The following TMEM131 variants were observed in gnomAD, a reference collection of about 807,000 sequenced individuals.
TMEM131 encodes the protein 2610524E03Rik.
Under a neutral mutation model 211.6 loss-of-function variants are expected in TMEM131, and 66 were observed. The observed-to-expected ratio is 0.31, with a 90% CI of 0.26 to 0.38. The LOEUF (loss-of-function observed/expected upper bound fraction) is 0.38. Among genes scored for constraint, TMEM131 ranks in the 10% least tolerant of loss-of-function variants. The probability of loss-of-function intolerance (pLI) is 1.00; values close to 1 mark genes in which losing one functional copy is unlikely to be tolerated. For synonymous variants in TMEM131, 844 were observed against 841.3 expected (o/e 1.00, Z -0.06); for missense variants, 2,036 against 2,299.3 (o/e 0.89, Z 2.34).
chr2:97,984,879 C>T (rs975577550), intron 1 of TMEM131, among the ~76,000 whole-genome samples: 1 of 152,000 alleles, frequency 6.6e-6, no homozygotes, highest in Non-Finnish European at 1.5e-5. Context: ...GTGAGTATAG[C>T]CTGGCAGCTG....
chr2:97,959,672 T>C (rs1678731753), intron 1 of TMEM131, among the ~76,000 whole-genome samples: 1 of 152,116 alleles, frequency 6.6e-6, no homozygotes, highest in Non-Finnish European at 1.5e-5. Flanking sequence ...AACAAAGACA[T>C]TCTCCTACAT....
At chr2:97,853,516 G>T (rs1300402782) in intron 5 of TMEM131, among the ~76,000 whole-genome samples, 1 of 150,250 alleles carries the variant, frequency 6.7e-6, no homozygotes, top group Non-Finnish European at 1.5e-5. Context: ...TGAGGCAGGA[G>T]AATTGCTTGA....
intron 1 of TMEM131, among the ~76,000 whole-genome samples, chr2:97,993,897 C>A (rs577109144): frequency 6.6e-6 from 1 of 152,146 alleles, no homozygotes; most frequent in African/African-American, 2.4e-5. Flanking sequence ...AAATCAGCAG[C>A]AGTAGAAGGA....
At chr2:97,891,526 T>C (rs1195144270) in intron 3 of TMEM131, among the ~76,000 whole-genome samples, 1 of 152,174 alleles carries the variant, frequency 6.6e-6, no homozygotes, top group Non-Finnish European at 1.5e-5. Context: ...ATCTTATTTA[T>C]ATGGAGATGA....
At chr2:97,914,344 C>A (rs561905929) in intron 2 of TMEM131, among the ~76,000 whole-genome samples, 1 of 152,310 alleles carries the variant, frequency 6.6e-6, no homozygotes, top group African/African-American at 2.4e-5. Context: ...AGCAGCACAG[C>A]GACACTGGTA....
intron 5 of TMEM131, among the ~76,000 whole-genome samples, chr2:97,852,711 A>G (rs1673678445): frequency 6.6e-6 from 1 of 152,254 alleles, no homozygotes; most frequent in African/African-American, 2.4e-5. Context: ...TGGCCACACT[A>G]AACAACAAAT....
chr2:97,759,037 G>A lies in TMEM131; in HGVS notation c.5223C>T (p.Leu1741=), dbSNP rs370135727. 189 of 1,613,904 alleles carry A rather than the reference G, an allele frequency of 1.2e-4. No homozygotes were observed. Among genetic ancestry groups the A allele is most frequent in the African/African-American group, 2.3e-4 (17 of 74,940 alleles). ...FNLTGEVFSK[L]GLSRSCNQAS... ...CCTGATTGCACGATCGAGATAATCC[G>A]AGTTTGCTGAAAACTTCTGGAAATA... is the stretch of plus-strand genomic sequence containing the variant. The change falls in exon 40 of 41, where the codon CTC becomes CTT. Residue 1741 remains leucine, a synonymous_variant. Transcript: ENST00000186436.
At chr2:97,864,534 A>T (rs1386248667) in intron 4 of TMEM131, among the ~76,000 whole-genome samples, 3 of 152,164 alleles carry the variant, frequency 2.0e-5, no homozygotes, top group African/African-American at 4.8e-5. Context: ...AATTTAAAAT[A>T]ATTTTAAAAA....
intron 1 of TMEM131, among the ~76,000 whole-genome samples, chr2:97,929,738 T>C (rs907655441): frequency 6.6e-6 from 1 of 151,814 alleles, no homozygotes; most frequent in Non-Finnish European, 1.5e-5. Context: ...CTGTGGCATA[T>C]AGAGAATATT....
intron 33 of TMEM131, among the ~76,000 whole-genome samples, chr2:97,770,966 C>CT (rs1303541952): frequency 6.6e-6 from 1 of 152,192 alleles, no homozygotes; most frequent in Non-Finnish European, 1.5e-5. Context: ...AGAAGAATCT[C>CT]TAGCTAGTAG....
intron 3 of TMEM131, among the ~76,000 whole-genome samples, chr2:97,901,030 A>T (rs1226885868): frequency 1.3e-5 from 2 of 152,186 alleles, no homozygotes; most frequent in African/African-American, 4.8e-5. Context: ...CAACAATACA[A>T]ATTACAGCTA....
chr2:97,809,703 A>G lies in TMEM131; in HGVS notation c.2040T>C (p.Leu680=). ...SLTCFPKHVV[L]PPSFPGKIVH... ...ATGGTCTTACTGGAAAGGAAGGTGG[A>G]AGAACCACGTGCTTAGGGAAGCAGG... The change falls in exon 19 of 41, where the codon CTT becomes CTC. Residue 680 remains leucine, a synonymous_variant. Transcript: ENST00000186436. 1 of 1,610,796 alleles carries G rather than the reference A, an allele frequency of 6.2e-7. No homozygotes were observed. Among genetic ancestry groups the G allele is most frequent in the Non-Finnish European group, 8.5e-7 (1 of 1,178,524 alleles).
intron 22 of TMEM131, among the ~76,000 whole-genome samples, chr2:97,804,119 A>G (rs1338510658): frequency 6.6e-6 from 1 of 152,240 alleles, no homozygotes; most frequent in African/African-American, 2.4e-5. Flanking sequence ...ACTAACAAAT[A>G]TATTTCAAAT....
chr2:97,885,655 T>C (rs1485007521), intron 4 of TMEM131, among the ~76,000 whole-genome samples: 1 of 152,198 alleles, frequency 6.6e-6, no homozygotes, highest in Non-Finnish European at 1.5e-5. Context: ...GTTAGTTTAA[T>C]GGGAATTCCC....
chr2:97,796,226 T>A lies in TMEM131; in HGVS notation c.3192A>T (p.Ile1064=). 6.5e-7 allele frequency: 1 copy of A among 1,532,232 alleles called. No individual in the cohort carries two copies. The highest frequency in any genetic ancestry group is 8.8e-7 in the Non-Finnish European group (1 of 1,131,868). The allele number at this position is 1,532,232 out of a possible 1,614,324, so 94.9% of individuals were successfully genotyped here. ...FTLSANASRD[I]IILFTPDFTA... ...TAAAATAAAATACTTACAATATGAT[T>A]ATATCTCTAGAAGCATTGGCACTTA... The change falls in exon 28 of 41, where the codon ATA becomes ATT. Residue 1064 remains isoleucine (I), a synonymous_variant. Transcript: ENST00000186436.
chr2:97,988,516 T>C (rs1455581315), intron 1 of TMEM131, among the ~76,000 whole-genome samples: 1 of 152,132 alleles, frequency 6.6e-6, no homozygotes, highest in African/African-American at 2.4e-5. Context: ...GAGAACATAG[T>C]TGCAAATCAT....
chr2:97,920,706 C>A (rs1356404903), intron 2 of TMEM131, among the ~76,000 whole-genome samples: 2 of 152,088 alleles, frequency 1.3e-5, no homozygotes, highest in African/African-American at 4.8e-5. Context: ...CAATATGCTT[C>A]AACCTAATAA....
rs1253290304 is a variant in TMEM131 at position 97,834,626 on chromosome 2, G to T, written c.1007C>A (p.Thr336Lys). ...CTTTTAAAAGATTTTTTTACCTTGT[G>T]TTCTTAGTGTACCAAAATCTAACAT... Reference protein sequence around the residue: ...TEMLDFGTLRTQDLPKVLNLH... With the variant: ...TEMLDFGTLRKQDLPKVLNLH... Residue 336 changes from threonine (T) to lysine (K), a missense_variant, in exon 10 of 41, where the codon ACA (threonine) becomes AAA (lysine). Thr to Lys is a moderately conservative substitution (Grantham distance 78). Coordinates refer to ENST00000186436, the MANE Select transcript of TMEM131 (RefSeq NM_015348.2). The T allele has an allele frequency of 2.6e-6, 4 of 1,541,910 alleles. No individual in the cohort carries two copies. The highest frequency in any genetic ancestry group is 2.2e-5 in the Admixed American group (1 of 44,656).
Position 97,805,703 on chromosome 2 carries a change from C to T in TMEM131, c.2056G>A (p.Gly686Arg). The change falls in exon 20 of 41, where the codon GGG (glycine) becomes AGG (arginine). Residue 686 changes from glycine to arginine, a missense_variant and splice_region_variant. Gly to Arg is a moderately radical substitution (Grantham distance 125). Around this residue, in one of 3 missense-constraint regions of TMEM131, gnomAD observed 1,623 missense variants for 1,805.9 expected, o/e 0.90. Coordinates refer to ENST00000186436, the MANE Select transcript of TMEM131 (RefSeq NM_015348.2). ...TTTAAACTTTGATGAACTATTTTCC[C>T]CTGAAGGAAGAAAGCAAAGAACAAA... Reference protein sequence around the residue: ...KHVVLPPSFPGKIVHQSLNIM... With the variant: ...KHVVLPPSFPRKIVHQSLNIM... 1 of 1,582,332 alleles carries T rather than the reference C, an allele frequency of 6.3e-7. No individual in the cohort carries two copies. The highest frequency in any genetic ancestry group is 8.6e-7 in the Non-Finnish European group (1 of 1,162,672).
Sources: allele counts gnomAD v4.1 joint callset (sites outside exome capture counted in the v4.1 genomes callset), GRCh38; gene constraint gnomAD v4.1.1; regional missense constraint gnomAD v4.1.1; transcripts MANE v1.5; gene names NCBI Gene and HGNC (gene_info 2026-07-23, HGNC 2026-07-21).